The following EYA2 variants were observed in gnomAD, a reference collection of about 807,000 sequenced individuals.
The protein encoded by EYA2 is protein phosphatase EYA2.
EYA2 carries 31 observed loss-of-function variants against 69.2 expected under a neutral mutation model. The observed-to-expected ratio is 0.45, with a 90% confidence interval of 0.34 to 0.60. EYA2 has a LOEUF of 0.60. Ranked by LOEUF, EYA2 falls within the 20% of genes least tolerant of loss-of-function variation. EYA2 has a pLI of 0.02. For synonymous variants in EYA2, 257 were observed against 279.4 expected (o/e 0.92, Z 0.80); for missense variants, 622 against 701.2 (o/e 0.89, Z 1.28).
chr20:47,093,354 G>A (rs1325673819), intron 8 of EYA2, among the ~76,000 whole-genome samples: 1 of 152,184 alleles, frequency 6.6e-6, no homozygotes, highest in African/African-American at 2.4e-5. Context: ...GTGGGTGGAT[G>A]GGCAGAAAGA....
chr20:47,053,100 G>A (rs548169242), intron 5 of EYA2, among the ~76,000 whole-genome samples: 24 of 152,214 alleles, frequency 1.6e-4, no homozygotes, highest in Admixed American at 5.2e-4. Flanking sequence ...TGGGCCTTAC[G>A]TAGTTTCTCG....
At chr20:47,002,228 C>T (rs1345692626) in intron 3 of EYA2, among the ~76,000 whole-genome samples, 1 of 151,650 alleles carries the variant, frequency 6.6e-6, no homozygotes, top group East Asian at 1.9e-4. Flanking sequence ...TTCCAGTATA[C>T]ACATGCAGAA....
intron 12 of EYA2, among the ~76,000 whole-genome samples, chr20:47,177,647 G>T (rs934537008): frequency 6.6e-6 from 1 of 152,228 alleles, no homozygotes; most frequent in African/African-American, 2.4e-5. Context: ...AGCTGGCGGT[G>T]TCCAGATGAC....
chr20:46,913,603 A>G (rs1984755865), intron 1 of EYA2, among the ~76,000 whole-genome samples: 1 of 152,138 alleles, frequency 6.6e-6, no homozygotes, highest in Admixed American at 6.5e-5. Context: ...GGTGACGGTG[A>G]CTTGGACCAG....
chr20:46,944,637 C>G (rs970111726), intron 1 of EYA2, among the ~76,000 whole-genome samples: 15 of 152,136 alleles, frequency 9.9e-5, no homozygotes, highest in African/African-American at 3.6e-4. Flanking sequence ...CTACAAAGCC[C>G]CCAGTAGGAC....
At chr20:47,022,557 G>A (rs996914499) in intron 5 of EYA2, among the ~76,000 whole-genome samples, 2 of 150,950 alleles carry the variant, frequency 1.3e-5, no homozygotes, top group Admixed American at 6.6e-5. Flanking sequence ...CAAGTGATCC[G>A]CCCACCTCAG....
intron 12 of EYA2, among the ~76,000 whole-genome samples, chr20:47,179,463 T>C (rs2034492941): frequency 1.1e-5 from 1 of 87,694 alleles, no homozygotes; most frequent in Non-Finnish European, 2.5e-5. Flanking sequence ...TGGATGGATA[T>C]TGGGCAGATG....
At chr20:47,053,109 C>G (rs769472981) in intron 5 of EYA2, among the ~76,000 whole-genome samples, 1 of 152,074 alleles carries the variant, frequency 6.6e-6, no homozygotes, top group African/African-American at 2.4e-5. Context: ...CGTAGTTTCT[C>G]GACCTTTTTT....
chr20:46,903,327 G>T (rs1206107246), intron 1 of EYA2, among the ~76,000 whole-genome samples: 1 of 152,206 alleles, frequency 6.6e-6, no homozygotes, highest in East Asian at 1.9e-4. Flanking sequence ...CAGAAGCTAT[G>T]CCTGGTTCAG....
intron 1 of EYA2, among the ~76,000 whole-genome samples, chr20:46,980,459 ATTTTG>A (rs1980758760): frequency 2.0e-5 from 3 of 152,220 alleles, no homozygotes; most frequent in Non-Finnish European, 4.4e-5. Context: ...TTTTTTTACA[ATTTTG>A]TTTAGTTTTG....
chr20:46,929,485 A>G (rs1985569978), intron 1 of EYA2, among the ~76,000 whole-genome samples: 1 of 151,670 alleles, frequency 6.6e-6, no homozygotes, highest in Non-Finnish European at 1.5e-5. Context: ...GATTGCAAGG[A>G]TGGTTTCAAC....
intron 5 of EYA2, 154 bp from the exon 6 acceptor site, chr20:47,072,031 G>A (rs1044472642): frequency 3.6e-5 from 25 of 700,566 alleles, no homozygotes; most frequent in Admixed American, 1.1e-4. Flanking sequence ...CTTTGGGAAC[G>A]CTGGTGTGAG....
chr20:47,104,831 G>A (rs1419914459), intron 9 of EYA2, among the ~76,000 whole-genome samples: 1 of 151,890 alleles, frequency 6.6e-6, no homozygotes, highest in Non-Finnish European at 1.5e-5. Context: ...GACCAGCCTG[G>A]CCAACATGGT....
chr20:46,982,108 T>C (rs1328315541), intron 1 of EYA2, among the ~76,000 whole-genome samples: 1 of 152,216 alleles, frequency 6.6e-6, no homozygotes, highest in Non-Finnish European at 1.5e-5. Context: ...TACCCTTTTA[T>C]GTTGTTCTTT....
chr20:47,123,998 G>T (rs1047924354), intron 9 of EYA2, among the ~76,000 whole-genome samples: 1 of 151,436 alleles, frequency 6.6e-6, no homozygotes, highest in African/African-American at 2.4e-5. Flanking sequence ...AAAAAAAGGT[G>T]GGGGAGTGGG....
chr20:47,148,959 G>A (rs2033763822), intron 10 of EYA2, among the ~76,000 whole-genome samples: 1 of 152,102 alleles, frequency 6.6e-6, no homozygotes, highest in Admixed American at 6.6e-5. Context: ...GGGCTCGGAT[G>A]CAGCCAGGAG....
At chr20:46,913,502 T>C (rs1984750483) in intron 1 of EYA2, among the ~76,000 whole-genome samples, 1 of 152,060 alleles carries the variant, frequency 6.6e-6, no homozygotes, top group Admixed American at 6.5e-5. Flanking sequence ...CTGCCTTAAG[T>C]AGAGCAGAAC....
At chr20:46,900,612 G>A (rs1220099318) in intron 1 of EYA2, among the ~76,000 whole-genome samples, 4 of 152,278 alleles carry the variant, frequency 2.6e-5, no homozygotes, top group East Asian at 1.9e-4. Flanking sequence ...TTGCTTTTAC[G>A]TGAGTTTTAA....
At chr20:47,153,367 G>A (rs2018876) in intron 10 of EYA2, among the ~76,000 whole-genome samples, 33,102 of 151,728 alleles carry the variant, frequency 0.22, 4,392 homozygotes, top group African/African-American at 0.37. Context: ...GAGGCCAAGC[G>A]CAGTGGCTCA....
Sources: gnomAD v4.1 joint callset for allele counts (sites outside exome capture counted in the v4.1 genomes callset) on GRCh38, gnomAD v4.1.1 for gene constraint, MANE v1.5 for transcripts, NCBI Gene and HGNC (gene_info 2026-07-23, HGNC 2026-07-21) for gene names.